Variants in MYH7B observed in about 807,000 individuals in gnomAD.
MYH7B encodes the protein myosin heavy chain 7B, also known as myosin-7B.
A neutral mutation model predicts 234.5 loss-of-function variants in MYH7B; 205 were observed. That is an observed-to-expected ratio of 0.87 (90% CI 0.78 to 0.98). The LOEUF (loss-of-function observed/expected upper bound fraction) is 0.98. MYH7B is among the 50% of genes least tolerant of loss of function. MYH7B has a pLI of 0.00. For synonymous variants in MYH7B, 1,193 were observed against 1,105.0 expected (o/e 1.08, Z -1.58); for missense variants, 2,652 against 2,633.4 (o/e 1.01, Z -0.15).
chr20:35,001,575 C>T (rs1301523713), intron 43 of MYH7B, 49 bp downstream of exon 43: 29 of 1,520,752 alleles, frequency 1.9e-5, no homozygotes, highest in Non-Finnish European at 2.4e-5. Context: ...CCAGCTCTGC[C>T]CCAGGGTCTG....
chr20:34,990,873 A>C (rs1459401830), intron 23 of MYH7B, 48 bp downstream of exon 23: 2 of 1,605,904 alleles, frequency 1.2e-6, no homozygotes, highest in Non-Finnish European at 1.7e-6. Flanking sequence ...CATCATGGGA[A>C]GGTGACAGGG....
chr20:34,983,237 T>C (rs2081964420), intron 10 of MYH7B, among the ~76,000 whole-genome samples: 1 of 151,906 alleles, frequency 6.6e-6, no homozygotes, highest in Non-Finnish European at 1.5e-5. Flanking sequence ...TTTCTTGTTT[T>C]TCCCCTGTTT....
At chr20:34,984,628 G>T in intron 10 of MYH7B, 64 bp from the exon 11 acceptor site, 10 of 1,381,926 alleles carry the variant, frequency 7.2e-6, no homozygotes, top group South Asian at 1.2e-5. Context: ...CTGATACCCT[G>T]CCCCACCCCG....
In MYH7B at chr20:34,998,905, G is replaced by A. The variant is rs780347774; in HGVS notation, c.4180G>A (p.Glu1394Lys). Residue 1394 changes from glutamate (E) to lysine (K), a missense_variant, in exon 35 of 45, where the codon GAG becomes AAG. Glu to Lys is a moderately conservative substitution (Grantham distance 56). Around this residue, in one of 3 missense-constraint regions of MYH7B, gnomAD observed 2,279 missense variants for 2,211.4 expected, o/e 1.03. Coordinates refer to ENST00000262873, the Ensembl canonical transcript of MYH7B. ...TGCCATCCAGAGGACCGAGGAGCTG[G>A]AGGAGGCCAAGTGAGTGCTTTGCTG... is the stretch of plus-strand genomic sequence containing the variant. The A allele has an allele frequency of 1.7e-5, 28 of 1,612,234 alleles. No homozygotes were observed. The South Asian group carries it at 2.7e-4, about 16-fold the overall frequency.
chr20:34,990,356 AG>A (rs759121567), intron 22 of MYH7B, 46 bp downstream of exon 22: 1 of 1,607,612 alleles, frequency 6.2e-7, no homozygotes, highest in South Asian at 1.1e-5. Flanking sequence ...GGCAGCCTCC[AG>A]CCCCGTCCTT....
Position 34,998,871 on chromosome 20 carries a change from C to T in MYH7B, c.4146C>T (p.Tyr1382=), listed in dbSNP as rs377482062. Reference sequence around the variant, plus strand: ...AGGTGGCCCAGTGGAGGAGCAAGTACGAAGCAGATGCCATCCAGAGGACCG... The same window carrying T: ...AGGTGGCCCAGTGGAGGAGCAAGTATGAAGCAGATGCCATCCAGAGGACCG... The change falls in exon 35 of 45, where the codon TAC becomes TAT. Residue 1382 remains tyrosine, a synonymous_variant. Transcript: ENST00000262873. 103 of 1,613,118 alleles carry T rather than the reference C, an allele frequency of 6.4e-5. No individual in the cohort carries two copies. The African/African-American group carries it at 6.7e-4, about 10-fold the overall frequency.
At chr20:34,994,434 C>T in intron 27 of MYH7B, 33 bp downstream of exon 27, 2 of 1,537,306 alleles carry the variant, frequency 1.3e-6, no homozygotes, top group Non-Finnish European at 8.7e-7. Flanking sequence ...ACCGGGCGTC[C>T]CCAGCCCCGA....
chr20:34,988,362 A>G (rs1325667413), intron 19 of MYH7B, 100 bp downstream of exon 19: 2 of 1,345,492 alleles, frequency 1.5e-6, no homozygotes, highest in Non-Finnish European at 2.0e-6. Flanking sequence ...GCAAGTGTGC[A>G]TGGAAGCGTG....
At chr20:34,956,251 A>T (rs1038561360) in intron 1 of MYH7B, among the ~76,000 whole-genome samples, 5 of 151,410 alleles carry the variant, frequency 3.3e-5, no homozygotes, top group East Asian at 1.9e-4. Context: ...GATTTTATCT[A>T]TTTTTTTTTA....
At chr20:34,977,485 A>G (rs544216922) in intron 3 of MYH7B, 147 bp from the exon 4 acceptor site, 143 of 711,234 alleles carry the variant, frequency 2.0e-4, no homozygotes, top group Non-Finnish European at 7.4e-5. Context: ...CGCCTTTGTG[A>G]TCCCCTGACA....
chr20:34,996,476 G>A, exon 29 of MYH7B: 1 of 1,612,970 alleles, frequency 6.2e-7, no homozygotes, highest in East Asian at 2.2e-5. Flanking sequence ...GACCGTGTGA[G>A]CGCGCTGACC....
exon 12 of MYH7B, chr20:34,984,855 G>A (rs1268450040): frequency 3.7e-6 from 6 of 1,613,468 alleles, no homozygotes; most frequent in South Asian, 1.1e-5. Flanking sequence ...CCGCCCCAGG[G>A]CACCCTTGAG....
At position 34,986,200 on chromosome 20, in the gene MYH7B, T is replaced by C; in HGVS notation, c.904+2T>C. On this transcript the variant is annotated splice_donor_variant, in intron 14 of 44. Coordinates refer to ENST00000262873, the Ensembl canonical transcript of MYH7B. LOFTEE classifies it high-confidence loss of function. ...CAGGGAGGAAGCCAGAGCTGCAGGG[T>C]GAGGGGCAGTACGATGAAGGGGGTG... The C allele has an allele frequency of 6.3e-7, 1 of 1,586,182 alleles. No homozygotes were observed. Among genetic ancestry groups the C allele is most frequent in the Non-Finnish European group, 8.6e-7 (1 of 1,164,716 alleles).
intron 16 of MYH7B, 34 bp downstream of exon 16, chr20:34,987,321 C>T: frequency 6.2e-7 from 1 of 1,605,684 alleles, no homozygotes; most frequent in Non-Finnish European, 8.5e-7. Flanking sequence ...CAACTTGACC[C>T]AGACCTCAGC....
chr20:34,991,653 G>A (rs1447848165), intron 24 of MYH7B, among the ~76,000 whole-genome samples: 2 of 152,112 alleles, frequency 1.3e-5, no homozygotes, highest in Non-Finnish European at 1.5e-5. Flanking sequence ...TCATGTGGAC[G>A]AGGCTTCATG....
In MYH7B at chr20:34,996,522, C is replaced by A. The variant is rs367714841; in HGVS notation, c.3120C>A (p.Asp1040Glu). Residue 1040 changes from aspartate (D) to glutamate (E), a missense_variant and splice_region_variant, in exon 29 of 45, where the codon GAC becomes GAA. By Grantham distance (45) the Asp-to-Glu change is conservative. Coordinates refer to ENST00000262873, the Ensembl canonical transcript of MYH7B. ...TCCGGCTGGAGCAACAGGTGGAGGA[C>A]GTGAGTCAGGGCCACCCCGAGACTG... 1.9e-6 allele frequency: 3 copies of A among 1,609,734 alleles called. No individual in the cohort carries two copies. In the African/African-American group the frequency reaches 4.0e-5, roughly 21 times the overall value.
chr20:34,989,758 A>G (rs746804859), exon 20 of MYH7B: 5 of 1,614,042 alleles, frequency 3.1e-6, no homozygotes, highest in East Asian at 2.2e-5. Context: ...CATCCTGTCC[A>G]TCCTGGAGGA....
chr20:34,979,781 C>T lies in MYH7B; in HGVS notation c.319C>T (p.Arg107Cys), dbSNP rs377713561. ...CTCTGTGCTGCACAACCTGCGCCAG[C>T]GCTATGCCCGCTGGATGATCTATGT... The change falls in exon 7 of 45, where the codon CGC (arginine) becomes TGC (cysteine). Residue 107 changes from arginine (R) to cysteine (C), a missense_variant. By Grantham distance (180) the Arg-to-Cys change is radical. This residue lies in a region of MYH7B where 366 missense variants were observed against 401.2 expected (regional missense o/e 0.91). Transcript: ENST00000262873. 7 of 1,613,800 alleles carry T rather than the reference C, an allele frequency of 4.3e-6. No homozygotes were observed. Among genetic ancestry groups the T allele is most frequent in the Admixed American group, 1.7e-5 (1 of 60,010 alleles).
chr20:34,999,566 T>C lies in MYH7B; in HGVS notation c.4541-5T>C. The C allele has an allele frequency of 1.9e-6, 3 of 1,600,980 alleles. No homozygotes were observed. The highest frequency in any genetic ancestry group is 2.6e-6 in the Non-Finnish European group (3 of 1,173,422). On this transcript the variant is annotated splice_polypyrimidine_tract_variant and splice_region_variant and intron_variant, in intron 36 of 44. Coordinates refer to ENST00000262873, the Ensembl canonical transcript of MYH7B. ...GGTGGCCTCTCAGCACCCTGTCCAC[T>C]GCAGAGGAGATCAGCGACCTCACAG...
Sources: allele counts gnomAD v4.1 joint callset (sites outside exome capture counted in the v4.1 genomes callset), GRCh38; gene constraint gnomAD v4.1.1; regional missense constraint gnomAD v4.1.1; transcripts MANE v1.5; gene names NCBI Gene and HGNC (gene_info 2026-07-23, HGNC 2026-07-21).